Variants in DENND2A observed in about 807,000 individuals in gnomAD.
DENND2A encodes the protein DENN domain containing 2A.
A neutral mutation model predicts 105.3 loss-of-function variants in DENND2A; 53 were observed. The ratio of observed to expected loss-of-function variants is 0.50; its 90% CI spans 0.40 to 0.63. The LOEUF is 0.63. DENND2A is among the 30% of genes least tolerant of loss of function. The pLI, the probability that DENND2A is intolerant of heterozygous loss-of-function variation, is 0.00. For synonymous variants in DENND2A, 522 were observed against 508.4 expected, an observed-to-expected ratio of 1.03 and a Z score of -0.36; for missense variants, 1,138 against 1,279.6, an observed-to-expected ratio of 0.89 and a Z score of 1.69.
intron 1 of DENND2A, among the ~76,000 whole-genome samples, chr7:140,608,466 C>T (rs1799772345): frequency 6.6e-6 from 1 of 152,088 alleles, no homozygotes; most frequent in Non-Finnish European, 1.5e-5. Context: ...CACTTGAGCT[C>T]AGGGGATTGA....
intron 1 of DENND2A, among the ~76,000 whole-genome samples, chr7:140,639,565 A>G (rs1468018244): frequency 6.6e-6 from 1 of 152,080 alleles, no homozygotes; most frequent in Non-Finnish European, 1.5e-5. Flanking sequence ...TGATGTAAGG[A>G]GAAGGGATTT....
At chr7:140,554,391 G>A (rs1164450710) in intron 12 of DENND2A, among the ~76,000 whole-genome samples, 2 of 152,104 alleles carry the variant, frequency 1.3e-5, no homozygotes, top group African/African-American at 4.8e-5. Flanking sequence ...TATAATCCCA[G>A]CACTTTGGGA....
At chr7:140,629,677 A>T (rs1361900851) in intron 1 of DENND2A, among the ~76,000 whole-genome samples, 2 of 152,130 alleles carry the variant, frequency 1.3e-5, no homozygotes, top group Non-Finnish European at 2.9e-5. Context: ...TAATGAGCTA[A>T]CGGTCTTTAT....
chr7:140,638,468 G>A (rs1312111015), intron 1 of DENND2A, among the ~76,000 whole-genome samples: 1 of 152,060 alleles, frequency 6.6e-6, no homozygotes, highest in Non-Finnish European at 1.5e-5. Flanking sequence ...CAGTAATTCT[G>A]GCCTGGGTGT....
At chr7:140,620,060 G>T (rs1800223732) in intron 1 of DENND2A, among the ~76,000 whole-genome samples, 1 of 151,788 alleles carries the variant, frequency 6.6e-6, no homozygotes, top group South Asian at 2.1e-4. Flanking sequence ...GGCGGGCATG[G>T]TGGCGGGCGC....
chr7:140,601,561 C>T lies in DENND2A; in HGVS notation c.837G>A (p.Gly279=), dbSNP rs774695285. The T allele has an allele frequency of 6.2e-7, 1 of 1,614,106 alleles. No individual in the cohort carries two copies. Residue 279 remains glycine (G), a synonymous_variant, in exon 3 of 20, where the codon GGG becomes GGA. Coordinates refer to ENST00000496613, the MANE Select transcript of DENND2A (RefSeq NM_015689.5). ...PRRTFKHAGE[G]DKDGKPGIGF... ...CGATGCCAGGCTTCCCATCTTTGTC[C>T]CCTTCTCCGGCATGTTTGAACGTTC...
intron 3 of DENND2A, among the ~76,000 whole-genome samples, chr7:140,595,546 A>T (rs1465604250): frequency 6.6e-6 from 1 of 152,078 alleles, no homozygotes; most frequent in African/African-American, 2.4e-5. Flanking sequence ...AGGCAGGCAG[A>T]TGGCTTGAGT....
intron 1 of DENND2A, among the ~76,000 whole-genome samples, chr7:140,628,536 C>CTTTTTTTTTT (rs987018660): frequency 8.6e-6 from 1 of 116,138 alleles, no homozygotes; most frequent in Non-Finnish European, 1.8e-5. Flanking sequence ...AAATTTCTTT[C>CTTTTTTTTTT]TTTTTTTTTT....
chr7:140,553,687 T>G (rs545773168), intron 12 of DENND2A, among the ~76,000 whole-genome samples: 251 of 152,300 alleles, frequency 1.6e-3, no homozygotes, highest in African/African-American at 4.9e-3. Flanking sequence ...AGATTAGGGA[T>G]TGGTGATGAC....
At chr7:140,553,985 A>T (rs1293448995) in intron 12 of DENND2A, among the ~76,000 whole-genome samples, 2 of 152,036 alleles carry the variant, frequency 1.3e-5, no homozygotes, top group African/African-American at 4.8e-5. Context: ...CCCAGCACTT[A>T]GGGAGGCCGA....
intron 1 of DENND2A, among the ~76,000 whole-genome samples, chr7:140,630,910 G>A (rs1800712094): frequency 6.6e-6 from 1 of 152,116 alleles, no homozygotes; most frequent in Non-Finnish European, 1.5e-5. Flanking sequence ...AGGTGTGCAG[G>A]AGCCCAACAA....
chr7:140,545,811 C>T (rs1025791342), intron 13 of DENND2A, among the ~76,000 whole-genome samples: 5 of 152,146 alleles, frequency 3.3e-5, no homozygotes, highest in African/African-American at 7.2e-5. Flanking sequence ...AGTGTTGCAC[C>T]GCCTGGTGCT....
intron 5 of DENND2A, among the ~76,000 whole-genome samples, chr7:140,578,689 T>C (rs368345086): frequency 1.3e-5 from 2 of 151,892 alleles, no homozygotes; most frequent in African/African-American, 4.8e-5. Context: ...GAGACCAGCC[T>C]GGCCAACACG....
In DENND2A at chr7:140,577,252, A is replaced by C. The variant is rs1335269761; in HGVS notation, c.1246-3244T>G. Among the ~76,000 whole-genome samples the C allele has an allele frequency of 2.6e-5, 4 of 152,208 alleles. No individual in the cohort carries two copies. The East Asian group carries it at 7.7e-4, about 29-fold the overall frequency. ...TGAGAATAGTGGTGAGGGAGAGTAA[A>C]TTAGATCAAAAGAGTCTTCAAGCCT... On this transcript the variant is annotated intron_variant, in intron 5 of 19. Coordinates refer to ENST00000496613, the MANE Select transcript of DENND2A (RefSeq NM_015689.5).
At position 140,585,579 on chromosome 7, in the gene DENND2A, G is replaced by T. The variant is rs1798744377; in HGVS notation, c.1245+10C>A. ...CCCCTCTCCTGCCACCATTCCCAGG[G>T]GACTCATACCTTGGTGAGTGTGTCA... On this transcript the variant is annotated intron_variant, in intron 5 of 19. Coordinates refer to ENST00000496613, the MANE Select transcript of DENND2A (RefSeq NM_015689.5). 1 of 1,614,012 alleles carries T rather than the reference G, an allele frequency of 6.2e-7. No individual in the cohort carries two copies. Among genetic ancestry groups the T allele is most frequent in the Middle Eastern group, 1.7e-4 (1 of 5,986 alleles).
chr7:140,619,752 G>A (rs898735336), intron 1 of DENND2A, among the ~76,000 whole-genome samples: 6 of 151,736 alleles, frequency 4.0e-5, no homozygotes, highest in African/African-American at 1.2e-4. Context: ...TGCCTGCCTC[G>A]GCCTCCCAAA....
chr7:140,557,531 A>ATATATATATATGTATATTTT (rs1554467351), intron 11 of DENND2A, among the ~76,000 whole-genome samples: 1 of 39,660 alleles, frequency 2.5e-5, no homozygotes, highest in Admixed American at 3.9e-4. Flanking sequence ...ATATATATAT[A>ATATATATATATGTATATTTT]TTTTTTTTTT....
At chr7:140,532,391 T>TG (rs1563121280) in intron 14 of DENND2A, among the ~76,000 whole-genome samples, 4 of 152,230 alleles carry the variant, frequency 2.6e-5, no homozygotes, top group African/African-American at 9.6e-5. Context: ...AAGTGGTTCA[T>TG]GAGAAGATCC....
intron 14 of DENND2A, among the ~76,000 whole-genome samples, chr7:140,539,858 T>C (rs894811852): frequency 6.6e-6 from 1 of 152,206 alleles, no homozygotes; most frequent in Non-Finnish European, 1.5e-5. Flanking sequence ...CAGGTCTGCA[T>C]GGAACCCGTG....
Sources: allele counts gnomAD v4.1 joint callset (sites outside exome capture counted in the v4.1 genomes callset), GRCh38; gene constraint gnomAD v4.1.1; transcripts MANE v1.5; gene names NCBI Gene and HGNC (gene_info 2026-07-23, HGNC 2026-07-21).